The following ZNF71 variants were observed in gnomAD, a reference collection of about 807,000 sequenced individuals.
ZNF71 encodes zinc finger protein 71.
A neutral mutation model predicts 6.7 loss-of-function variants in ZNF71; 3 were observed. The observed-to-expected ratio is 0.45, with a 90% CI of 0.20 to 1.16. The LOEUF (loss-of-function observed/expected upper bound fraction) is 1.16. ZNF71 is among the 50% of genes most tolerant of loss of function. The pLI, the probability that ZNF71 is intolerant of heterozygous loss-of-function variation, is 0.25. For synonymous variants in ZNF71, 343 were observed against 311.1 expected, an observed-to-expected ratio of 1.10 and a Z score of -1.08; for missense variants, 688 against 728.6, an observed-to-expected ratio of 0.94 and a Z score of 0.64.
rs77498283 is a variant in ZNF71 at position 56,598,213 on chromosome 19, G to A, written c.-53+2785G>A. ...ATTGGGGGTAGAGGACTTCTCCAAGGAGGTGACGTTGGAGCTGACCAGGAA... is the reference window on the plus strand; with the variant it reads ...ATTGGGGGTAGAGGACTTCTCCAAGAAGGTGACGTTGGAGCTGACCAGGAA... On this transcript the variant is annotated intron_variant, in intron 1 of 3. Transcript: ENST00000599599. This position sits in a 1 kb window ranked among gnomAD's most constrained non-coding sequence, Gnocchi z 4.2. Among the ~76,000 whole-genome samples the A allele has an allele frequency of 4.2e-3, 642 of 152,180 alleles. 4 individuals are homozygous for A. Among genetic ancestry groups the A allele is most frequent in the African/African-American group, 0.015 (616 of 41,508 alleles).
Position 56,613,774 on chromosome 19 carries a change from G to T in ZNF71, c.34-38G>T. The T allele has an allele frequency of 9.3e-7, 1 of 1,074,430 alleles. No homozygotes were observed. The highest frequency in any genetic ancestry group is 3.3e-5 in the South Asian group (1 of 30,234). The allele number at this position is 1,074,430 out of a possible 1,614,324, so 66.6% of individuals were successfully genotyped here. On this transcript the variant is annotated intron_variant, in intron 2 of 3. Coordinates refer to ENST00000599599, the MANE Select transcript of ZNF71 (RefSeq NM_001370215.1). The surrounding 1 kb of genome is among the most constrained non-coding windows in gnomAD (Gnocchi z 4.6). ...CCATTCCTCCACGCCTCTGTAAGGA[G>T]GGCCCTGCGATGAGCGGATGTGGGT...
intron 2 of ZNF71, among the ~76,000 whole-genome samples, chr19:56,606,065 T>A (rs1050791087): frequency 1.3e-5 from 2 of 152,184 alleles, no homozygotes; most frequent in African/African-American, 4.8e-5. Context: ...TTTTGAAGAT[T>A]AAGTGAGATG....
At chr19:56,609,819 A>T (rs1397773983) in intron 2 of ZNF71, 1 of 151,324 alleles carries the variant, frequency 6.6e-6, no homozygotes, top group African/African-American at 2.4e-5. Flanking sequence ...AATGAGGCAT[A>T]CGGTATGGAT....
rs2044851839 is a variant in ZNF71 at position 56,621,733 on chromosome 19, A to G, written c.626A>G (p.Gln209Arg). 5.0e-6 allele frequency: 8 copies of G among 1,613,978 alleles called. No individual in the cohort carries two copies. Among genetic ancestry groups the G allele is most frequent in the Non-Finnish European group, 6.8e-6 (8 of 1,180,016 alleles). Residue 209 changes from glutamine to arginine, a missense_variant, in exon 4 of 4, where the codon CAA becomes CGA. Physicochemically the swap from Gln to Arg is conservative, Grantham distance 43. Coordinates refer to ENST00000599599, the MANE Select transcript of ZNF71 (RefSeq NM_001370215.1). ...CGAAGCTCGTCCCTGATAAAGCACCAAAGGATCCACACGGGAGAAAAGCCG... is the reference window on the plus strand; with the variant it reads ...CGAAGCTCGTCCCTGATAAAGCACCGAAGGATCCACACGGGAGAAAAGCCG... Reference protein sequence around the residue: ...FSRSSSLIKHQRIHTGEKPFE... With the variant: ...FSRSSSLIKHRRIHTGEKPFE...
Position 56,621,646 on chromosome 19 carries a change from C to T in ZNF71, c.539C>T (p.Pro180Leu). Residue 180 changes from proline to leucine, a missense_variant, in exon 4 of 4, where the codon CCC becomes CTC. Pro to Leu is a moderately conservative substitution (Grantham distance 98, BLOSUM62 -3). Coordinates refer to ENST00000599599, the MANE Select transcript of ZNF71 (RefSeq NM_001370215.1). ...NFSSTSDLSK[P>L]PMPCEEKKTY... The stretch of plus-strand genomic sequence containing the variant: ...TCCAGCACTTCAGACCTCAGTAAGC[C>T]CCCCATGCCCTGCGAGGAGAAGAAA... 2 of 1,614,204 alleles carry T rather than the reference C, an allele frequency of 1.2e-6. No individual in the cohort carries two copies. The highest frequency in any genetic ancestry group is 1.7e-6 in the Non-Finnish European group (2 of 1,180,038).
At chr19:56,600,832 G>A (rs1276904913) in intron 1 of ZNF71, among the ~76,000 whole-genome samples, 4 of 152,160 alleles carry the variant, frequency 2.6e-5, no homozygotes, top group African/African-American at 9.7e-5. Flanking sequence ...GAGAACTGGA[G>A]GAGAATTGAA....
At chr19:56,596,981 T>C (rs977312875) in intron 1 of ZNF71, among the ~76,000 whole-genome samples, 1 of 152,198 alleles carries the variant, frequency 6.6e-6, no homozygotes, top group East Asian at 1.9e-4. Context: ...GGCCATACTC[T>C]TGGGCAAGTC....
chr19:56,621,421 CAG>C lies in ZNF71; in HGVS notation c.319_320del (p.Arg107AlafsTer30). On this transcript the variant is annotated frameshift_variant, in exon 4 of 4. Coordinates refer to ENST00000599599, the MANE Select transcript of ZNF71 (RefSeq NM_001370215.1). LOFTEE classifies it low-confidence loss of function (END_TRUNC). ...GGAGTGTGGGAACCAGGCAGCTGGC[CAG>C]AGAGGCCGCGGGGAGATGCAGGTGC... The C allele has an allele frequency of 1.2e-6, 2 of 1,613,464 alleles. No homozygotes were observed. Among genetic ancestry groups the C allele is most frequent in the Non-Finnish European group, 1.7e-6 (2 of 1,179,668 alleles).
intron 2 of ZNF71, among the ~76,000 whole-genome samples, chr19:56,607,866 G>A (rs1219695004): frequency 1.3e-5 from 2 of 152,162 alleles, no homozygotes; most frequent in African/African-American, 4.8e-5. Context: ...AGTCTTCTCA[G>A]GGCTTCCCAG....
At position 56,613,764 on chromosome 19, in the gene ZNF71, T is replaced by C; in HGVS notation, c.34-48T>C. The C allele has an allele frequency of 9.3e-7, 1 of 1,072,316 alleles. No homozygotes were observed. The highest frequency in any genetic ancestry group is 1.2e-6 in the Non-Finnish European group (1 of 867,462). 66.4% of individuals were successfully genotyped at this position (1,072,316 alleles called of 1,614,324 possible). ...GCTTTTCTGGCCATTCCTCCACGCCTCTGTAAGGAGGGCCCTGCGATGAGC... is the reference window on the plus strand; with the variant it reads ...GCTTTTCTGGCCATTCCTCCACGCCCCTGTAAGGAGGGCCCTGCGATGAGC... On this transcript the variant is annotated intron_variant, in intron 2 of 3. Coordinates refer to ENST00000599599, the MANE Select transcript of ZNF71 (RefSeq NM_001370215.1). This position sits in a 1 kb window ranked among gnomAD's most constrained non-coding sequence, Gnocchi z 4.6.
At chr19:56,620,649 A>G (rs191426609) in intron 3 of ZNF71, among the ~76,000 whole-genome samples, 1 of 151,924 alleles carries the variant, frequency 6.6e-6, no homozygotes, top group East Asian at 1.9e-4. Flanking sequence ...CTCCCACCTC[A>G]GCCTCTCAAG....
Position 56,622,467 on chromosome 19 carries a change from C to G in ZNF71, c.1360C>G (p.Arg454Gly), listed in dbSNP as rs775699384. Residue 454 changes from arginine to glycine, a missense_variant, in exon 4 of 4, where the codon CGC becomes GGC. By Grantham distance (125) the Arg-to-Gly change is moderately radical. Coordinates refer to ENST00000599599, the MANE Select transcript of ZNF71 (RefSeq NM_001370215.1). ...CYICKKHFTG[R>G]SSLIVHQIVH... ...CATCTGCAAGAAGCACTTCACGGGG[C>G]GCTCGTCCCTCATCGTGCACCAGAT... 1.3e-6 allele frequency: 2 copies of G among 1,592,250 alleles called. No homozygotes were observed. Among genetic ancestry groups the G allele is most frequent in the Non-Finnish European group, 1.7e-6 (2 of 1,171,296 alleles).
At chr19:56,601,624 A>G in intron 2 of ZNF71, 33 bp downstream of exon 2, 1 of 985,288 alleles carries the variant, frequency 1.0e-6, no homozygotes, top group Non-Finnish European at 1.2e-6. Context: ...TCTCCTTTCC[A>G]AAGGCTGGAT....
intron 2 of ZNF71, among the ~76,000 whole-genome samples, chr19:56,606,106 G>A (rs752676026): frequency 6.6e-6 from 1 of 152,146 alleles, no homozygotes; most frequent in Non-Finnish European, 1.5e-5. Flanking sequence ...ACAATACCTG[G>A]CATGTAGTAT....
At chr19:56,610,168 A>G (rs2044741006) in intron 2 of ZNF71, 1 of 152,222 alleles carries the variant, frequency 6.6e-6, no homozygotes, top group Non-Finnish European at 1.5e-5. Flanking sequence ...GTGCTAGGTC[A>G]TAAGGTAACT....
In ZNF71 at chr19:56,621,804, C is replaced by T. The variant is rs1370824498; in HGVS notation, c.697C>T (p.Leu233Phe). ...CGKHFIERSS[L>F]TIHQRVHTGE... ...GAAGCACTTCATCGAGCGCTCGTCC[C>T]TCACCATCCACCAGCGGGTGCACAC... is the stretch of plus-strand genomic sequence containing the variant. The change falls in exon 4 of 4, where the codon CTC (leucine) becomes TTC (phenylalanine). Residue 233 changes from leucine (L) to phenylalanine (F), a missense_variant. By Grantham distance (22) the Leu-to-Phe change is conservative. Transcript: ENST00000599599. 2 of 1,614,026 alleles carry T rather than the reference C, an allele frequency of 1.2e-6. No individual in the cohort carries two copies. Among genetic ancestry groups the T allele is most frequent in the Admixed American group, 1.7e-5 (1 of 60,034 alleles).
chr19:56,615,600 A>C (rs1027204329), intron 3 of ZNF71, among the ~76,000 whole-genome samples: 2 of 151,134 alleles, frequency 1.3e-5, no homozygotes, highest in Non-Finnish European at 2.9e-5. Flanking sequence ...GAATTTTGAA[A>C]GTTCACTATG....
At chr19:56,615,066 T>TA (rs1224955527) in intron 3 of ZNF71, among the ~76,000 whole-genome samples, 2 of 152,196 alleles carry the variant, frequency 1.3e-5, no homozygotes, top group Non-Finnish European at 2.9e-5. Context: ...GCATGTCTCA[T>TA]AGTTCATTTA....
At chr19:56,595,853 T>TGTGTGTGTGTG (rs142255107) in intron 1 of ZNF71, among the ~76,000 whole-genome samples, 1 of 137,502 alleles carries the variant, frequency 7.3e-6, no homozygotes, top group African/African-American at 2.8e-5. Flanking sequence ...GTGTGTGTGT[T>TGTGTGTGTGTG]TGTGTGTGTG....
Sources: allele counts gnomAD v4.1 joint callset (sites outside exome capture counted in the v4.1 genomes callset), GRCh38; gene constraint gnomAD v4.1.1; non-coding constraint Gnocchi (gnomAD v3.1); transcripts MANE v1.5; gene names NCBI Gene and HGNC (gene_info 2026-07-23, HGNC 2026-07-21).